SEMA5B: variants seen among roughly 807,000 people sequenced by gnomAD.
SEMA5B encodes semaphorin-5B.
Under a neutral mutation model 135.0 loss-of-function variants are expected in SEMA5B, and 66 were observed. The observed-to-expected ratio is 0.49, with a 90% CI of 0.40 to 0.60. The LOEUF (loss-of-function observed/expected upper bound fraction) is 0.60. SEMA5B is among the 20% of genes least tolerant of loss of function. The pLI is 0.00. For missense variants in SEMA5B, 1,501 were observed against 1,566.3 expected, an observed-to-expected ratio of 0.96 and a Z score of 0.70; for synonymous variants, 690 against 639.5, an observed-to-expected ratio of 1.08 and a Z score of -1.19.
In SEMA5B at chr3:122,926,456, C is replaced by T. The variant is rs1938636749; in HGVS notation, c.1072G>A (p.Glu358Lys). The change falls in exon 9 of 23, where the codon GAG (glutamate) becomes AAG (lysine). Residue 358 changes from glutamate (E) to lysine (K), a missense_variant. By Grantham distance (56) the Glu-to-Lys change is moderately conservative. Transcript: ENST00000357599. Reference sequence around the variant, plus strand: ...GGCAAGTGGAAGGCACTCTGCAGCTCGTTATAGTAGAAGGGGACCTCGCCC... The same window carrying T: ...GGCAAGTGGAAGGCACTCTGCAGCTTGTTATAGTAGAAGGGGACCTCGCCC... ...RPGEVPFYYN[E>K]LQSAFHLPEQ... 2.5e-6 allele frequency: 4 copies of T among 1,614,160 alleles called. No individual in the cohort carries two copies. The highest frequency in any genetic ancestry group is 2.2e-5 in the East Asian group (1 of 44,870).
chr3:122,917,960 A>C (rs981893536), intron 12 of SEMA5B, among the ~76,000 whole-genome samples: 1 of 151,884 alleles, frequency 6.6e-6, no homozygotes, highest in Non-Finnish European at 1.5e-5. Flanking sequence ...ACTGGCTGAC[A>C]TTGGGATCAA....
At chr3:123,007,059 A>T (rs1359859918) in intron 1 of SEMA5B, among the ~76,000 whole-genome samples, 1 of 152,104 alleles carries the variant, frequency 6.6e-6, no homozygotes, top group Admixed American at 6.5e-5. Context: ...GACATAAAAG[A>T]ACACTCCCAC....
intron 9 of SEMA5B, among the ~76,000 whole-genome samples, chr3:122,925,643 C>A (rs914103631): frequency 1.3e-5 from 2 of 151,590 alleles, no homozygotes; most frequent in Admixed American, 1.3e-4. Flanking sequence ...GCGCTCCAGC[C>A]TGGGCGACAG....
At chr3:122,992,487 T>C (rs1941909038) in intron 1 of SEMA5B, among the ~76,000 whole-genome samples, 1 of 152,112 alleles carries the variant, frequency 6.6e-6, no homozygotes, top group African/African-American at 2.4e-5. Context: ...ACACCATCCC[T>C]CCACATGCTT....
chr3:122,922,740 G>C (rs1426020178), intron 10 of SEMA5B, among the ~76,000 whole-genome samples: 1 of 152,192 alleles, frequency 6.6e-6, no homozygotes, highest in African/African-American at 2.4e-5. Flanking sequence ...CGGATACTTT[G>C]AGTGTGGACG....
rs184369560 is a variant in SEMA5B at position 122,974,044 on chromosome 3, A to G, written c.-38-12743T>C. 4.4e-3 allele frequency among the ~76,000 whole-genome samples: 664 copies of G among 152,326 alleles called. 2 individuals are homozygous for G. The highest frequency in any genetic ancestry group is 7.9e-3 in the Non-Finnish European group (536 of 68,020). ...CCGAATGTACACCCTGTCAGTGCCC[A>G]GATCCATCTGGAGAGCAAATGGCTG... On this transcript the variant is annotated intron_variant, in intron 1 of 22. Transcript: ENST00000357599.
chr3:122,979,014 C>T (rs1443588764), intron 1 of SEMA5B, among the ~76,000 whole-genome samples: 4 of 152,002 alleles, frequency 2.6e-5, no homozygotes, highest in South Asian at 2.1e-4. Context: ...ACAGTGGCTC[C>T]GAAGGCGGTT....
At chr3:122,952,546 G>A (rs1264712191) in intron 2 of SEMA5B, among the ~76,000 whole-genome samples, 1 of 152,254 alleles carries the variant, frequency 6.6e-6, no homozygotes, top group Non-Finnish European at 1.5e-5. Context: ...GAGGAAAGGA[G>A]TTATTACCTT....
intron 1 of SEMA5B, among the ~76,000 whole-genome samples, chr3:123,019,204 G>A (rs1942624059): frequency 6.6e-6 from 1 of 152,124 alleles, no homozygotes; most frequent in Non-Finnish European, 1.5e-5. Context: ...TAGGCTCTGG[G>A]TTTAAATCCC....
chr3:123,022,077 A>G (rs1267287012), intron 1 of SEMA5B, among the ~76,000 whole-genome samples: 2 of 152,110 alleles, frequency 1.3e-5, no homozygotes, highest in African/African-American at 2.4e-5. Context: ...TCCATTCAAA[A>G]CCACTGACTT....
At chr3:123,014,859 C>T (rs1191172115) in intron 1 of SEMA5B, among the ~76,000 whole-genome samples, 1 of 152,090 alleles carries the variant, frequency 6.6e-6, no homozygotes, top group Non-Finnish European at 1.5e-5. Flanking sequence ...GTTTTAACCC[C>T]CTGTATGTCA....
chr3:122,949,187 C>T (rs1369033742), intron 2 of SEMA5B, among the ~76,000 whole-genome samples: 1 of 152,052 alleles, frequency 6.6e-6, no homozygotes, highest in African/African-American at 2.4e-5. Context: ...CATGGGAAAC[C>T]ATGGCTCAAA....
intron 22 of SEMA5B, among the ~76,000 whole-genome samples, chr3:122,910,515 C>T (rs1427622990): frequency 6.6e-6 from 1 of 152,198 alleles, no homozygotes; most frequent in African/African-American, 2.4e-5. Flanking sequence ...TCTGCTTCTA[C>T]AAGAAGGCTC....
At chr3:122,988,951 C>A (rs1037263830) in intron 1 of SEMA5B, among the ~76,000 whole-genome samples, 2 of 152,200 alleles carry the variant, frequency 1.3e-5, no homozygotes, top group East Asian at 3.9e-4. Flanking sequence ...GCAGGCTCTG[C>A]CATCAGTGTA....
rs376036639 is a variant in SEMA5B, at chr3:122,979,532, CTTG to C, written c.-38-18234_-38-18232del. Among the ~76,000 whole-genome samples the C allele has an allele frequency of 8.7e-4, 133 of 152,374 alleles. 1 individual carries two copies. The highest frequency in any genetic ancestry group is 3.0e-3 in the African/African-American group (125 of 41,592). ...CTGCCTTCAGGGGCTCCCCTTCTCT[CTTG>C]TTGTGATTTCAGGGACTTGGAGATG... On this transcript the variant is annotated intron_variant, in intron 1 of 22. Coordinates refer to ENST00000357599, the MANE Select transcript of SEMA5B (RefSeq NM_001031702.4).
chr3:123,025,239 C>T (rs1156735788), intron 1 of SEMA5B, among the ~76,000 whole-genome samples: 1 of 152,204 alleles, frequency 6.6e-6, no homozygotes, highest in Non-Finnish European at 1.5e-5. Flanking sequence ...AGGGCAGAGT[C>T]AATAAGCCCA....
chr3:122,913,156 G>C (rs1242413070), intron 17 of SEMA5B, 43 bp downstream of exon 17: 2 of 1,482,870 alleles, frequency 1.3e-6, no homozygotes, highest in Non-Finnish European at 1.8e-6. Flanking sequence ...TCACCGCTCC[G>C]GGGCTGGGAG....
chr3:122,988,060 A>C (rs1941755459), intron 1 of SEMA5B, among the ~76,000 whole-genome samples: 1 of 152,188 alleles, frequency 6.6e-6, no homozygotes, highest in African/African-American at 2.4e-5. Context: ...AGAACCACCC[A>C]GAAGCCATGC....
chr3:123,021,963 G>C (rs1942691294), intron 1 of SEMA5B, among the ~76,000 whole-genome samples: 1 of 152,144 alleles, frequency 6.6e-6, no homozygotes, highest in African/African-American at 2.4e-5. Flanking sequence ...ACAACAGGGG[G>C]GTTGGATGGT....
Sources: allele counts gnomAD v4.1 joint callset (sites outside exome capture counted in the v4.1 genomes callset), GRCh38; gene constraint gnomAD v4.1.1; transcripts MANE v1.5; gene names NCBI Gene and HGNC (gene_info 2026-07-23, HGNC 2026-07-21).